Variants in MAN1A2 observed in about 807,000 individuals in gnomAD.
MAN1A2 encodes the protein mannosidase alpha class 1A member 2.
Under a neutral mutation model 75.7 loss-of-function variants are expected in MAN1A2, and 26 were observed. The observed-to-expected ratio is 0.34, with a 90% CI of 0.25 to 0.48. The LOEUF is 0.48. MAN1A2 is among the 20% of genes least tolerant of loss of function. MAN1A2 has a pLI of 0.99. For synonymous variants in MAN1A2, 247 were observed against 264.6 expected (o/e 0.93, Z 0.65); for missense variants, 562 against 775.5 (o/e 0.72, Z 3.27).
chr1:117,377,062 A>G (rs1329648080), intron 1 of MAN1A2, among the ~76,000 whole-genome samples: 4 of 152,160 alleles, frequency 2.6e-5, no homozygotes, highest in African/African-American at 7.2e-5. Context: ...GTTTATATTT[A>G]GCCATATATA....
chr1:117,369,996 TC>T (rs1235312716), intron 1 of MAN1A2, among the ~76,000 whole-genome samples: 1 of 152,196 alleles, frequency 6.6e-6, no homozygotes, highest in Non-Finnish European at 1.5e-5. Context: ...TTTTGAATGG[TC>T]TAAAAGTTTA....
intron 8 of MAN1A2, among the ~76,000 whole-genome samples, chr1:117,480,667 C>T (rs1444747089): frequency 6.6e-6 from 1 of 151,624 alleles, no homozygotes; most frequent in Non-Finnish European, 1.5e-5. Flanking sequence ...TGTATATTTC[C>T]ATCTTTTTCT....
intron 1 of MAN1A2, among the ~76,000 whole-genome samples, chr1:117,393,466 T>C (rs1653798490): frequency 6.6e-6 from 1 of 151,746 alleles, no homozygotes; most frequent in Admixed American, 6.6e-5. Context: ...TTTATATAAC[T>C]GCTTCAACTA....
At position 117,368,176 on chromosome 1, in the gene MAN1A2, C is replaced by G. The variant is rs756739120; in HGVS notation, c.-8C>G. 5 of 1,603,646 alleles carry G rather than the reference C, an allele frequency of 3.1e-6. No homozygotes were observed. The highest frequency in any genetic ancestry group is 4.3e-6 in the Non-Finnish European group (5 of 1,176,306). On this transcript the variant is annotated 5_prime_UTR_variant, in exon 1 of 13. Transcript: ENST00000356554. ...CTTTCTAAAGTATTCTCTCCAAGAGCGTAAACGATGACTACCCCAGCCCTG... is the reference window on the plus strand; with the variant it reads ...CTTTCTAAAGTATTCTCTCCAAGAGGGTAAACGATGACTACCCCAGCCCTG...
chr1:117,405,496 A>G, intron 2 of MAN1A2, 53 bp from the exon 3 acceptor site: 1 of 1,131,318 alleles, frequency 8.8e-7, no homozygotes, highest in East Asian at 2.4e-5. Context: ...ATGAAATAAA[A>G]AAACAGTTTG....
intron 1 of MAN1A2, 146 bp downstream of exon 1, chr1:117,368,631 A>AT: frequency 1.4e-6 from 1 of 723,498 alleles, no homozygotes; most frequent in Non-Finnish European, 2.2e-6. Context: ...CTGGCTGAAT[A>AT]AAACCATAGA....
At chr1:117,416,819 G>A (rs955286177) in intron 4 of MAN1A2, among the ~76,000 whole-genome samples, 1 of 152,140 alleles carries the variant, frequency 6.6e-6, no homozygotes. Flanking sequence ...ACCTCAGGAA[G>A]ACTGTGTCAG....
Position 117,485,299 on chromosome 1 carries a change from G to C in MAN1A2, c.1169-7848G>C, listed in dbSNP as rs551508622. ...CAGTTATCAAAGAAGTAGTGAACTT[G>C]ATAAGGTTATAGTAGTACTTCTGCT... On this transcript the variant is annotated intron_variant, in intron 8 of 12. Transcript: ENST00000356554. Among the ~76,000 whole-genome samples, 333 of 152,086 alleles carry C rather than the reference G, an allele frequency of 2.2e-3. 2 individuals carry two copies. The highest frequency in any genetic ancestry group is 4.0e-3 in the Non-Finnish European group (271 of 67,944).
At chr1:117,466,566 G>T in intron 8 of MAN1A2, 139 bp downstream of exon 8, 1 of 519,764 alleles carries the variant, frequency 1.9e-6, no homozygotes, top group Non-Finnish European at 3.4e-6. Context: ...GCTGTTCTTA[G>T]GCATGTTTCT....
Position 117,471,653 on chromosome 1 carries a change from G to C in MAN1A2, c.1168+5226G>C, listed in dbSNP as rs1650156975. Reference sequence around the variant, plus strand: ...GATGGACAGAATTCTCACTTGAGAAGGTTTTTTTTTTGTTTGTATATTTTG... The same window carrying C: ...GATGGACAGAATTCTCACTTGAGAACGTTTTTTTTTTGTTTGTATATTTTG... On this transcript the variant is annotated intron_variant, in intron 8 of 12. Coordinates refer to ENST00000356554, the MANE Select transcript of MAN1A2 (RefSeq NM_006699.5). Among the ~76,000 whole-genome samples the C allele has an allele frequency of 1.3e-5, 2 of 151,496 alleles. 1 individual carries two copies. The highest frequency in any genetic ancestry group is 4.2e-4 in the South Asian group (2 of 4,812).
chr1:117,462,671 C>A (rs1649857696), intron 7 of MAN1A2, among the ~76,000 whole-genome samples: 1 of 152,046 alleles, frequency 6.6e-6, no homozygotes, highest in Non-Finnish European at 1.5e-5. Flanking sequence ...TTGGTGATGG[C>A]AGTAGATAAA....
chr1:117,482,919 A>C (rs2101861821), intron 8 of MAN1A2, among the ~76,000 whole-genome samples: 1 of 152,176 alleles, frequency 6.6e-6, no homozygotes, highest in East Asian at 1.9e-4. Context: ...TTTTTGTATG[A>C]GATGTAAGGA....
At chr1:117,404,194 A>G (rs1400888766) in intron 2 of MAN1A2, among the ~76,000 whole-genome samples, 1 of 152,086 alleles carries the variant, frequency 6.6e-6, no homozygotes, top group African/African-American at 2.4e-5. Context: ...TGTTCTTGAG[A>G]TACATTGGTC....
chr1:117,493,357 G>C, intron 9 of MAN1A2, 95 bp downstream of exon 9: 1 of 663,266 alleles, frequency 1.5e-6, no homozygotes, highest in South Asian at 2.2e-5. Flanking sequence ...TTTTATTATA[G>C]ACATTCAGTA....
chr1:117,408,122 G>A (rs980246752), intron 3 of MAN1A2, among the ~76,000 whole-genome samples: 2 of 152,040 alleles, frequency 1.3e-5, no homozygotes, highest in African/African-American at 4.8e-5. Context: ...TTCTAACAAT[G>A]ATTAATAGTT....
At chr1:117,407,389 CT>C (rs549900033) in intron 3 of MAN1A2, among the ~76,000 whole-genome samples, 1 of 151,370 alleles carries the variant, frequency 6.6e-6, no homozygotes, top group Non-Finnish European at 1.5e-5. Flanking sequence ...ATTTTTTGAT[CT>C]TTTTCTTTTT....
chr1:117,490,792 G>A (rs1650854164), intron 8 of MAN1A2, among the ~76,000 whole-genome samples: 1 of 152,074 alleles, frequency 6.6e-6, no homozygotes. Context: ...AAAATGCTAT[G>A]CCAGTGAACA....
intron 1 of MAN1A2, among the ~76,000 whole-genome samples, chr1:117,380,106 C>G (rs772996451): frequency 4.9e-4 from 75 of 152,006 alleles, no homozygotes; most frequent in Non-Finnish European, 6.8e-4. Flanking sequence ...TTTCCACCAG[C>G]AATATAGAGG....
At chr1:117,378,166 A>G (rs1165533833) in intron 1 of MAN1A2, among the ~76,000 whole-genome samples, 1 of 152,168 alleles carries the variant, frequency 6.6e-6, no homozygotes, top group African/African-American at 2.4e-5. Context: ...GTCTTAGTGG[A>G]TAATATTACT....
Sources: allele counts gnomAD v4.1 joint callset (sites outside exome capture counted in the v4.1 genomes callset), GRCh38; gene constraint gnomAD v4.1.1; transcripts MANE v1.5; gene names NCBI Gene and HGNC (gene_info 2026-07-23, HGNC 2026-07-21).